POPDC1: variants seen among roughly 807,000 people sequenced by gnomAD.
POPDC1 encodes the protein popeye domain cAMP effector 1.
the POPDC1 span, among the ~76,000 whole-genome samples, chr6:105,136,033 T>C: frequency 6.6e-6 from 1 of 152,178 alleles, no homozygotes; most frequent in Admixed American, 6.5e-5. Context: ...GTTTTTCAAA[T>C]AGGTGATTGT....
chr6:105,118,451 A>G, the POPDC1 span, among the ~76,000 whole-genome samples: 37 of 152,356 alleles, frequency 2.4e-4, no homozygotes, highest in African/African-American at 7.5e-4. Context: ...CTAAGACTTG[A>G]TGAAACACTA....
At chr6:105,114,908 T>A in the POPDC1 span, among the ~76,000 whole-genome samples, 1 of 152,210 alleles carries the variant, frequency 6.6e-6, no homozygotes, top group Admixed American at 6.5e-5. Flanking sequence ...CATACTGAGA[T>A]AACCAGCCAG....
At chr6:105,115,892 A>G in the POPDC1 span, 2 of 1,536,618 alleles carry the variant, frequency 1.3e-6, no homozygotes, top group Non-Finnish European at 1.8e-6. Flanking sequence ...CCATTTAAGC[A>G]GCATGTACTT....
At chr6:105,116,770 A>T in the POPDC1 span, 1 of 1,612,518 alleles carries the variant, frequency 6.2e-7, no homozygotes, top group Non-Finnish European at 8.5e-7. Flanking sequence ...TAAGATACCT[A>T]AAGATTTCAT....
At chr6:105,106,794 A>AC in the POPDC1 span, among the ~76,000 whole-genome samples, 1 of 151,412 alleles carries the variant, frequency 6.6e-6, no homozygotes, top group Middle Eastern at 3.4e-3. Flanking sequence ...GAAGGCCTTA[A>AC]AAACCTTTTT....
At chr6:105,114,828 A>G in the POPDC1 span, among the ~76,000 whole-genome samples, 1 of 152,222 alleles carries the variant, frequency 6.6e-6, no homozygotes, top group Non-Finnish European at 1.5e-5. Context: ...GTAGCTCACA[A>G]GGGTGTTGAG....
At chr6:105,127,829 C>T in the POPDC1 span, among the ~76,000 whole-genome samples, 29 of 151,908 alleles carry the variant, frequency 1.9e-4, no homozygotes, top group Admixed American at 6.6e-5. Context: ...GGCACAATCT[C>T]GGCTCACTGC....
At chr6:105,107,343 T>G in the POPDC1 span, among the ~76,000 whole-genome samples, 1 of 152,232 alleles carries the variant, frequency 6.6e-6, no homozygotes, top group Non-Finnish European at 1.5e-5. Flanking sequence ...TGAGGTAAGA[T>G]TCTGTCCCTA....
At chr6:105,123,446 G>A in the POPDC1 span, among the ~76,000 whole-genome samples, 4 of 152,150 alleles carry the variant, frequency 2.6e-5, no homozygotes, top group East Asian at 7.7e-4. Flanking sequence ...TGTTGCCCAG[G>A]CTGGAGTGCA....
At chr6:105,131,066 T>C in the POPDC1 span, among the ~76,000 whole-genome samples, 2 of 152,200 alleles carry the variant, frequency 1.3e-5, no homozygotes, top group Non-Finnish European at 2.9e-5. Context: ...TGATCAATTT[T>C]ATGATAGGAG....
the POPDC1 span, chr6:105,116,573 G>C: frequency 2.8e-6 from 2 of 712,484 alleles, no homozygotes; most frequent in Non-Finnish European, 4.3e-6. Flanking sequence ...CTCCTCTCAA[G>C]ATTACAAGTA....
At chr6:105,116,852 T>C in the POPDC1 span, 1 of 1,612,184 alleles carries the variant, frequency 6.2e-7, no homozygotes, top group Non-Finnish European at 8.5e-7. Flanking sequence ...GCAGTTATCA[T>C]CTGCAATAAT....
At chr6:105,134,419 C>G in the POPDC1 span, among the ~76,000 whole-genome samples, 1 of 152,066 alleles carries the variant, frequency 6.6e-6, no homozygotes, top group Non-Finnish European at 1.5e-5. Flanking sequence ...GGTCTCCGGT[C>G]CTTAAAAAAC....
chr6:105,109,434 G>A, the POPDC1 span, among the ~76,000 whole-genome samples: 1 of 151,984 alleles, frequency 6.6e-6, no homozygotes, highest in Non-Finnish European at 1.5e-5. Context: ...AGTAGATAAA[G>A]GTTACTAAGT....
At chr6:105,101,269 G>C in the POPDC1 span, 2 of 1,463,452 alleles carry the variant, frequency 1.4e-6, no homozygotes, top group South Asian at 3.0e-5. Context: ...CCAGACCCTG[G>C]TGTGATATAT....
At chr6:105,129,860 T>C in the POPDC1 span, among the ~76,000 whole-genome samples, 5 of 152,330 alleles carry the variant, frequency 3.3e-5, no homozygotes, top group South Asian at 1.0e-3. Flanking sequence ...TTGTTTATTC[T>C]TGGTATTTTC....
At chr6:105,123,655 C>A in the POPDC1 span, among the ~76,000 whole-genome samples, 1 of 152,172 alleles carries the variant, frequency 6.6e-6, no homozygotes, top group South Asian at 2.1e-4. Flanking sequence ...CTGCCTCAGC[C>A]TCCCAAAATT....
At chr6:105,121,444 T>A in the POPDC1 span, among the ~76,000 whole-genome samples, 1 of 152,036 alleles carries the variant, frequency 6.6e-6, no homozygotes, top group Non-Finnish European at 1.5e-5. Context: ...ATTTTTGTAT[T>A]TTTAGTGGAC....
the POPDC1 span, among the ~76,000 whole-genome samples, chr6:105,119,386 T>C: frequency 6.6e-6 from 1 of 152,074 alleles, no homozygotes; most frequent in African/African-American, 2.4e-5. Context: ...GCTGAACACA[T>C]GCCATGAAGC....
Sources: gnomAD v4.1 joint callset for allele counts (sites outside exome capture counted in the v4.1 genomes callset) on GRCh38, gnomAD v4.1.1 for gene constraint, MANE v1.5 for transcripts, NCBI Gene and HGNC (gene_info 2026-07-23, HGNC 2026-07-21) for gene names.